Variants in CCDC192 observed in about 807,000 individuals in gnomAD.
The protein encoded by CCDC192 is coiled-coil domain-containing protein 192.
intron 5 of CCDC192, among the ~76,000 whole-genome samples, chr5:127,851,646 C>T (rs1750802480): frequency 1.3e-5 from 2 of 152,158 alleles, no homozygotes; most frequent in Admixed American, 6.5e-5. Context: ...TTAGTAGAGA[C>T]AGGATTTCAC....
chr5:127,852,729 T>G (rs1307170105), intron 5 of CCDC192, among the ~76,000 whole-genome samples: 3 of 152,216 alleles, frequency 2.0e-5, no homozygotes, highest in Non-Finnish European at 4.4e-5. Context: ...CTTAACTGTT[T>G]GGCAACTATC....
intron 2 of CCDC192, among the ~76,000 whole-genome samples, chr5:127,711,205 G>A (rs1225127679): frequency 1.3e-5 from 2 of 152,134 alleles, no homozygotes; most frequent in Admixed American, 6.6e-5. Flanking sequence ...GTAAGGCTAT[G>A]GGTATGAATT....
At chr5:127,925,965 C>A (rs1753851341) in intron 6 of CCDC192, among the ~76,000 whole-genome samples, 2 of 152,306 alleles carry the variant, frequency 1.3e-5, no homozygotes, top group South Asian at 4.1e-4. Flanking sequence ...GCAAATCAGG[C>A]AGCCCCCAGA....
At chr5:127,915,812 C>G (rs1029199557) in intron 6 of CCDC192, among the ~76,000 whole-genome samples, 12 of 152,028 alleles carry the variant, frequency 7.9e-5, no homozygotes, top group African/African-American at 2.7e-4. Context: ...CTAAGGAGGC[C>G]AAAAGATTGG....
At chr5:127,871,470 A>T (rs1358292017) in intron 5 of CCDC192, among the ~76,000 whole-genome samples, 1 of 152,174 alleles carries the variant, frequency 6.6e-6, no homozygotes, top group Non-Finnish European at 1.5e-5. Context: ...AGAGTTGAAA[A>T]TTTCTCTTAT....
intron 5 of CCDC192, among the ~76,000 whole-genome samples, chr5:127,803,710 T>G (rs1757630734): frequency 6.6e-6 from 1 of 152,060 alleles, no homozygotes; most frequent in Non-Finnish European, 1.5e-5. Context: ...CCAACGGCCA[T>G]CCCATCTCTC....
chr5:127,895,140 G>A (rs565146783), intron 6 of CCDC192, among the ~76,000 whole-genome samples: 1 of 152,208 alleles, frequency 6.6e-6, no homozygotes, highest in African/African-American at 2.4e-5. Flanking sequence ...CTTCCTGATG[G>A]TCTCCCTCCC....
intron 2 of CCDC192, among the ~76,000 whole-genome samples, chr5:127,737,942 T>A (rs1044075212): frequency 6.6e-5 from 10 of 151,886 alleles, no homozygotes; most frequent in Admixed American, 5.2e-4. Flanking sequence ...TTAAAGTTAA[T>A]ATTGTTATGT....
intron 5 of CCDC192, among the ~76,000 whole-genome samples, chr5:127,861,435 A>T (rs1404629525): frequency 6.6e-6 from 1 of 150,874 alleles, no homozygotes; most frequent in Non-Finnish European, 1.5e-5. Flanking sequence ...TGGGCAGATC[A>T]CCTGAGATCA....
At chr5:127,818,658 A>G (rs1561506151) in intron 5 of CCDC192, among the ~76,000 whole-genome samples, 2 of 152,282 alleles carry the variant, frequency 1.3e-5, no homozygotes, top group Admixed American at 1.3e-4. Flanking sequence ...CTGCTCCAAG[A>G]AGCCATCAGG....
chr5:127,857,557 T>A (rs1335935173), intron 5 of CCDC192: 8 of 152,198 alleles, frequency 5.3e-5, no homozygotes, highest in Non-Finnish European at 8.8e-5. Flanking sequence ...TATACATACG[T>A]ACATATTTTA....
chr5:127,843,184 G>A (rs906687330), intron 5 of CCDC192, among the ~76,000 whole-genome samples: 4 of 148,280 alleles, frequency 2.7e-5, no homozygotes, highest in Non-Finnish European at 6.0e-5. Flanking sequence ...ACAGGTGCCC[G>A]CCACCATGCC....
chr5:127,718,449 T>A (rs1202835589), intron 2 of CCDC192, among the ~76,000 whole-genome samples: 1 of 151,998 alleles, frequency 6.6e-6, no homozygotes, highest in Non-Finnish European at 1.5e-5. Flanking sequence ...TGGCAAAAAG[T>A]TCCTAACAAC....
chr5:127,707,406 CT>C (rs11389024), intron 1 of CCDC192, among the ~76,000 whole-genome samples: 53 of 147,190 alleles, frequency 3.6e-4, no homozygotes, highest in Admixed American at 4.1e-4. Flanking sequence ...CCTCTCCCCA[CT>C]TTTTTTTTTT....
intron 5 of CCDC192, among the ~76,000 whole-genome samples, chr5:127,866,444 C>T (rs1005790799): frequency 2.0e-5 from 3 of 148,268 alleles, no homozygotes; most frequent in Non-Finnish European, 4.5e-5. Context: ...CTTGCCTCTA[C>T]AAAACCATTT....
intron 5 of CCDC192, among the ~76,000 whole-genome samples, chr5:127,815,107 CT>C (rs1561504013): frequency 1.3e-5 from 2 of 152,116 alleles, no homozygotes; most frequent in African/African-American, 4.8e-5. Context: ...TAGTAAGACT[CT>C]AGGCTGGTGT....
intron 1 of CCDC192, among the ~76,000 whole-genome samples, chr5:127,706,304 G>A (rs1024092215): frequency 6.0e-4 from 91 of 152,056 alleles, no homozygotes; most frequent in African/African-American, 2.1e-3. Flanking sequence ...CGAGGTGGGT[G>A]GATCATGAGG....
At chr5:127,705,823 T>A (rs1750925712) in intron 1 of CCDC192, among the ~76,000 whole-genome samples, 1 of 152,002 alleles carries the variant, frequency 6.6e-6, no homozygotes, top group African/African-American at 2.4e-5. Context: ...GTTTTGTGAG[T>A]TTCACTGATA....
intron 6 of CCDC192, among the ~76,000 whole-genome samples, chr5:127,932,617 C>A (rs775831909): frequency 4.6e-5 from 7 of 152,136 alleles, no homozygotes; most frequent in Non-Finnish European, 1.0e-4. Flanking sequence ...GCAATTGTAA[C>A]CTTCGGGCTG....
Sources: allele counts gnomAD v4.1 joint callset (sites outside exome capture counted in the v4.1 genomes callset), GRCh38; gene constraint gnomAD v4.1.1; transcripts MANE v1.5; gene names NCBI Gene and HGNC (gene_info 2026-07-23, HGNC 2026-07-21).